GRM5: variants seen among roughly 807,000 people sequenced by gnomAD.
The protein encoded by GRM5 is metabotropic glutamate receptor 5.
In GRM5, 19 loss-of-function variants were observed where a neutral mutation model predicts 83.1. The observed-to-expected ratio is 0.23, with a 90% CI of 0.16 to 0.34. The LOEUF is 0.34. GRM5 is among the 10% of genes least tolerant of loss of function. The pLI is 1.00. For synonymous variants in GRM5, 675 were observed against 633.6 expected (o/e 1.07, Z -0.98); for missense variants, 1,160 against 1,588.3 (o/e 0.73, Z 4.58).
intron 3 of GRM5, among the ~76,000 whole-genome samples, chr11:88,691,767 A>T (rs1940786044): frequency 6.6e-6 from 1 of 152,198 alleles, no homozygotes; most frequent in African/African-American, 2.4e-5. Flanking sequence ...TTTAATCAGG[A>T]TTCTGTTCTG....
intron 1 of GRM5, among the ~76,000 whole-genome samples, chr11:89,064,622 C>T (rs1489312569): frequency 6.6e-6 from 1 of 151,952 alleles, no homozygotes; most frequent in African/African-American, 2.4e-5. Flanking sequence ...TTCATGTCCC[C>T]AAATGCAGAA....
chr11:89,065,586 C>A (rs1942084095), intron 1 of GRM5, among the ~76,000 whole-genome samples, 190 bp downstream of exon 1: 1 of 152,126 alleles, frequency 6.6e-6, no homozygotes. Flanking sequence ...TCTAAACTTG[C>A]AGGACCTCGT....
In GRM5 at chr11:88,890,138, C is replaced by CAT. The variant is rs1555035404; in HGVS notation, c.662-39984_662-39983insAT. ...ACATCCCCACATCCCCACATCCCCA[C>CAT]CCCCGACTGAGAGATGATACTCCCA... On this transcript the variant is annotated intron_variant, in intron 2 of 9. Transcript: ENST00000305447. Among the ~76,000 whole-genome samples the CAT allele has an allele frequency of 3.0e-4, 45 of 148,214 alleles. No homozygotes were observed. In the East Asian group the frequency reaches 8.0e-3, roughly 26 times the overall value.
chr11:88,532,926 A>G (rs1480215835), intron 8 of GRM5, among the ~76,000 whole-genome samples: 1 of 152,102 alleles, frequency 6.6e-6, no homozygotes, highest in Admixed American at 6.6e-5. Context: ...AAATCTGACC[A>G]TTTCTCACCA....
intron 3 of GRM5, among the ~76,000 whole-genome samples, chr11:88,848,637 A>T (rs962281852): frequency 3.3e-5 from 5 of 152,180 alleles, no homozygotes; most frequent in African/African-American, 1.2e-4. Flanking sequence ...TACCACTTAT[A>T]AGTTCCAGTG....
At chr11:88,631,349 T>G (rs767788861) in intron 4 of GRM5, among the ~76,000 whole-genome samples, 2 of 152,202 alleles carry the variant, frequency 1.3e-5, no homozygotes, top group Non-Finnish European at 2.9e-5. Context: ...ATGCTGTAAA[T>G]CATCATTCCT....
intron 3 of GRM5, among the ~76,000 whole-genome samples, chr11:88,794,962 G>A (rs943953964): frequency 6.6e-6 from 1 of 152,136 alleles, no homozygotes; most frequent in Non-Finnish European, 1.5e-5. Flanking sequence ...CATCCTTCAC[G>A]ATCTATTACA....
At chr11:88,642,053 G>C (rs1453443936) in intron 4 of GRM5, among the ~76,000 whole-genome samples, 2 of 152,126 alleles carry the variant, frequency 1.3e-5, no homozygotes, top group African/African-American at 2.4e-5. Context: ...CCTGCACCAG[G>C]CTTCTGCTTG....
chr11:88,599,892 A>G (rs2135223500), intron 5 of GRM5, among the ~76,000 whole-genome samples: 1 of 152,268 alleles, frequency 6.6e-6, no homozygotes, highest in Non-Finnish European at 1.5e-5. Flanking sequence ...AGGCGCCTGT[A>G]GTCCCAGCTA....
chr11:88,629,544 C>T (rs936093671), intron 4 of GRM5, among the ~76,000 whole-genome samples: 4 of 152,024 alleles, frequency 2.6e-5, no homozygotes, highest in African/African-American at 4.8e-5. Flanking sequence ...AATAGAAAAC[C>T]TCTTCATGAT....
chr11:88,873,705 T>C (rs1944805269), intron 2 of GRM5, among the ~76,000 whole-genome samples: 1 of 151,598 alleles, frequency 6.6e-6, no homozygotes, highest in East Asian at 1.9e-4. Context: ...TATGGGATGT[T>C]GAAAAAGAAG....
At position 88,992,455 on chromosome 11, in the gene GRM5, G is replaced by A. The variant is rs565028986; in HGVS notation, c.661+54757C>T. Among the ~76,000 whole-genome samples, 17 of 152,302 alleles carry A rather than the reference G, an allele frequency of 1.1e-4. 1 individual carries two copies. The East Asian group carries it at 3.3e-3, about 29-fold the overall frequency. On this transcript the variant is annotated intron_variant, in intron 2 of 9. Transcript: ENST00000305447. ...TAGTTCAACCATTGTGGAAGTCAGT[G>A]TGGTGACTCCTCAGGGATCTAGAAC...
chr11:88,774,950 C>T (rs1426464834), intron 3 of GRM5, among the ~76,000 whole-genome samples: 1 of 152,176 alleles, frequency 6.6e-6, no homozygotes, highest in Non-Finnish European at 1.5e-5. Context: ...CAGGATGATG[C>T]TGGCCTCATA....
chr11:88,911,044 G>GA (rs1341596276), intron 2 of GRM5, among the ~76,000 whole-genome samples: 2 of 151,746 alleles, frequency 1.3e-5, no homozygotes, highest in African/African-American at 2.4e-5. Context: ...GTCATGTTTG[G>GA]AAAAAAAATG....
intron 2 of GRM5, among the ~76,000 whole-genome samples, chr11:88,971,540 T>G (rs1237556383): frequency 6.6e-6 from 1 of 152,156 alleles, no homozygotes; most frequent in Non-Finnish European, 1.5e-5. Context: ...GCATTTAGTT[T>G]TCTATTCCTG....
chr11:88,851,201 A>AT (rs780293650), intron 2 of GRM5, among the ~76,000 whole-genome samples: 3 of 152,242 alleles, frequency 2.0e-5, no homozygotes, highest in Non-Finnish European at 4.4e-5. Flanking sequence ...AATTTTAGAT[A>AT]TTTTTGGAAC....
chr11:88,721,233 T>G (rs560228286), intron 3 of GRM5, among the ~76,000 whole-genome samples: 1 of 152,126 alleles, frequency 6.6e-6, no homozygotes, highest in African/African-American at 2.4e-5. Context: ...ATTTTCATCA[T>G]GAAAAGAGCA....
At chr11:88,748,896 C>T (rs1942200998) in intron 3 of GRM5, among the ~76,000 whole-genome samples, 1 of 152,098 alleles carries the variant, frequency 6.6e-6, no homozygotes, top group Non-Finnish European at 1.5e-5. Context: ...CCGAAAACAA[C>T]AACAATAACA....
chr11:88,754,907 T>A (rs1159367370), intron 3 of GRM5, among the ~76,000 whole-genome samples: 2 of 152,148 alleles, frequency 1.3e-5, no homozygotes, highest in African/African-American at 4.8e-5. Context: ...TCCTAAAGAC[T>A]TCAGCTTATT....
Sources: allele counts gnomAD v4.1 joint callset (sites outside exome capture counted in the v4.1 genomes callset), GRCh38; gene constraint gnomAD v4.1.1; transcripts MANE v1.5; gene names NCBI Gene and HGNC (gene_info 2026-07-23, HGNC 2026-07-21).